Variants in POLR3A observed in about 807,000 individuals in gnomAD.
POLR3A encodes the protein RNA polymerase III subunit A.
A neutral mutation model predicts 152.8 loss-of-function variants in POLR3A; 112 were observed. That is an observed-to-expected ratio of 0.73 (90% confidence interval 0.63 to 0.86). The LOEUF (loss-of-function observed/expected upper bound fraction) is 0.86, where lower values mean the gene tolerates loss of function less well. POLR3A is among the 40% of genes least tolerant of loss of function. The pLI is 0.00. For missense variants in POLR3A, 1,385 were observed against 1,743.1 expected (o/e 0.79, Z 3.66); for synonymous variants, 615 against 652.1 (o/e 0.94, Z 0.87).
At chr10:78,011,273 C>G (rs1016010086) in intron 11 of POLR3A, among the ~76,000 whole-genome samples, 3 of 152,080 alleles carry the variant, frequency 2.0e-5, no homozygotes, top group African/African-American at 7.2e-5. Flanking sequence ...TGTTAAATGT[C>G]CCTTGGTTAA....
intron 19 of POLR3A, among the ~76,000 whole-genome samples, chr10:77,995,357 C>T (rs1395296911): frequency 6.6e-6 from 1 of 152,168 alleles, no homozygotes; most frequent in Non-Finnish European, 1.5e-5. Context: ...TTAAAAGACA[C>T]AGACTGGCAA....
Position 78,004,927 on chromosome 10 carries a change from G to A in POLR3A, c.2075-39C>T, listed in dbSNP as rs540838877. On this transcript the variant is annotated intron_variant, in intron 15 of 30. Transcript: ENST00000372371. ...AGAGCAGGAAGAAAGGGCCATAAATGAGACTCAGCAAACCTACTAAATACA... is the reference window on the plus strand; with the variant it reads ...AGAGCAGGAAGAAAGGGCCATAAATAAGACTCAGCAAACCTACTAAATACA... The A allele has an allele frequency of 2.5e-4, 392 of 1,557,206 alleles. 6 individuals carry two copies. In the South Asian group the frequency reaches 2.8e-3, roughly 11 times the overall value.
intron 1 of POLR3A, among the ~76,000 whole-genome samples, chr10:78,027,182 C>T (rs1847643270): frequency 6.6e-6 from 1 of 152,132 alleles, no homozygotes; most frequent in South Asian, 2.1e-4. Context: ...GGAAGAGCAT[C>T]TGAAGTGGAG....
rs779006717 is a variant in POLR3A, at chr10:78,021,621, C to T, written c.1110G>A (p.Ser370=). Reference sequence around the variant, plus strand: ...CATCAATCCGGAGGTTGGGGTCGGGCGAGATGACTGTTCTGCCAGAAAAAT... The same window carrying T: ...CATCAATCCGGAGGTTGGGGTCGGGTGAGATGACTGTTCTGCCAGAAAAAT... ...RVDFSGRTVI[S]PDPNLRIDEV... The change falls in exon 8 of 31, where the codon TCG becomes TCA. Residue 370 remains serine (S), a synonymous_variant. Coordinates refer to ENST00000372371, the MANE Select transcript of POLR3A (RefSeq NM_007055.4). 4.2e-5 allele frequency: 67 copies of T among 1,613,984 alleles called. No homozygotes were observed. Among genetic ancestry groups the T allele is most frequent in the Non-Finnish European group, 4.9e-5 (58 of 1,180,024 alleles).
At chr10:78,023,068 G>C (rs1248831777) in intron 5 of POLR3A, among the ~76,000 whole-genome samples, 1 of 151,964 alleles carries the variant, frequency 6.6e-6, no homozygotes, top group African/African-American at 2.4e-5. Context: ...TGAGGCAGGA[G>C]AATCACTTGA....
In POLR3A at chr10:78,026,132, G is replaced by A. The variant is rs761784469; in HGVS notation, c.142C>T (p.His48Tyr). ...AGCACCCCATATAGCAAGGGGGCATGTTGGTTGTCCTGGCTGTACAGGTTC... is the reference window on the plus strand; with the variant it reads ...AGCACCCCATATAGCAAGGGGGCATATTGGTTGTCCTGGCTGTACAGGTTC... ...SKNLYSQDNQ[H>Y]APLLYGVLDH... is the part of the protein sequence containing the mutation. The change falls in exon 2 of 31, where the codon CAT (histidine) becomes TAT (tyrosine). Residue 48 changes from histidine to tyrosine, a missense_variant. Physicochemically the swap from His to Tyr is moderately conservative, Grantham distance 83 (BLOSUM62 2). Around this residue, in one of 7 missense-constraint regions of POLR3A, gnomAD observed 493 missense variants for 647.5 expected, o/e 0.76. Coordinates refer to ENST00000372371, the MANE Select transcript of POLR3A (RefSeq NM_007055.4). The A allele has an allele frequency of 1.9e-6, 3 of 1,614,132 alleles. No individual in the cohort carries two copies. Among genetic ancestry groups the A allele is most frequent in the African/African-American group, 2.7e-5 (2 of 74,940 alleles).
chr10:77,980,526 TAA>T (rs1847131188), intron 29 of POLR3A, among the ~76,000 whole-genome samples: 1 of 151,584 alleles, frequency 6.6e-6, no homozygotes, highest in Non-Finnish European at 1.5e-5. Context: ...ATTCAGAGAC[TAA>T]CTTTAAAAAA....
At chr10:77,980,421 CCT>C (rs1184139433) in intron 29 of POLR3A, 148 bp from the exon 30 acceptor site, 2 of 727,138 alleles carry the variant, frequency 2.8e-6, no homozygotes, top group Non-Finnish European at 4.9e-6. Flanking sequence ...ATGGGTCCGC[CCT>C]CTGTGTCCCA....
chr10:78,022,633 T>G (rs756130404), intron 5 of POLR3A, among the ~76,000 whole-genome samples: 8 of 152,232 alleles, frequency 5.3e-5, no homozygotes, highest in African/African-American at 1.9e-4. Flanking sequence ...AACACAAAGA[T>G]TTAGCTACAA....
chr10:77,998,180 G>T (rs1251609832), intron 19 of POLR3A, among the ~76,000 whole-genome samples: 3 of 152,166 alleles, frequency 2.0e-5, no homozygotes, highest in African/African-American at 7.2e-5. Flanking sequence ...TTAAATGTTA[G>T]ACCTAAAACC....
chr10:77,998,914 A>G (rs1589309118), intron 19 of POLR3A, among the ~76,000 whole-genome samples: 1 of 152,252 alleles, frequency 6.6e-6, no homozygotes, highest in Non-Finnish European at 1.5e-5. Flanking sequence ...GTGTCCAACA[A>G]TGATAGACTG....
intron 15 of POLR3A, 132 bp from the exon 16 acceptor site, chr10:78,005,020 AGT>A (rs1847397623): frequency 1.3e-6 from 1 of 742,366 alleles, no homozygotes; most frequent in South Asian, 1.5e-5. Context: ...AGTATAAAAA[AGT>A]GTATATCTTC....
chr10:78,002,279 G>A lies in POLR3A; in HGVS notation c.2277C>T (p.Ile759=). ...EALILKELSV[I]RDHAGSACLR... ...GGCAGGCACTGCCAGCGTGGTCACG[G>A]ATCACAGACAGCTCCTTCAGGATCA... Residue 759 remains isoleucine (I), a synonymous_variant, in exon 17 of 31, where the codon ATC becomes ATT. Coordinates refer to ENST00000372371, the MANE Select transcript of POLR3A (RefSeq NM_007055.4). 1 of 1,604,260 alleles carries A rather than the reference G, an allele frequency of 6.2e-7. No individual in the cohort carries two copies. The highest frequency in any genetic ancestry group is 2.2e-5 in the East Asian group (1 of 44,610).
chr10:77,999,962 C>T lies in POLR3A; in HGVS notation c.2616+19G>A. On this transcript the variant is annotated intron_variant, in intron 19 of 30. Transcript: ENST00000372371. ...TCTGTCCTGCTCTGTTGCTAATGGC[C>T]TACATTTCTTCAGGTTACCTGCATG... is the stretch of plus-strand genomic sequence containing the variant. 1 of 1,613,446 alleles carries T rather than the reference C, an allele frequency of 6.2e-7. No homozygotes were observed. Among genetic ancestry groups the T allele is most frequent in the Middle Eastern group, 1.6e-4 (1 of 6,062 alleles).
At chr10:78,027,714 G>T (rs894833705) in intron 1 of POLR3A, among the ~76,000 whole-genome samples, 1 of 151,640 alleles carries the variant, frequency 6.6e-6, no homozygotes, top group South Asian at 2.1e-4. Context: ...ATGCGCCACC[G>T]CACCCAGCTA....
At chr10:77,994,521 A>T (rs1421753497) in intron 19 of POLR3A, among the ~76,000 whole-genome samples, 1 of 151,900 alleles carries the variant, frequency 6.6e-6, no homozygotes, top group East Asian at 1.9e-4. Context: ...AAAGCAGAAG[A>T]CTCAGTAGCC....
In POLR3A at chr10:78,019,737, A is replaced by G. The variant is rs1847559155; in HGVS notation, c.1186-472T>C. The G allele has an allele frequency of 1.5e-5, 3 of 193,954 alleles. No homozygotes were observed. In the South Asian group the frequency reaches 2.9e-4, roughly 19 times the overall value. 12.0% of individuals were successfully genotyped at this position (193,954 alleles called of 1,614,324 possible). A position where few individuals can be genotyped will look rare whatever the true frequency, so the allele number is the denominator to read the frequency against. On this transcript the variant is annotated intron_variant, in intron 8 of 30. Coordinates refer to ENST00000372371, the MANE Select transcript of POLR3A (RefSeq NM_007055.4). ...TTTTGGAGAAGTTAACTCTTGGATC[A>G]TTAGTAACTCAACTGAGGACACACA...
intron 28 of POLR3A, 31 bp from the exon 29 acceptor site, chr10:77,981,590 C>T: frequency 6.2e-7 from 1 of 1,613,316 alleles, no homozygotes; most frequent in South Asian, 1.1e-5. Context: ...GCAGAAGCAG[C>T]CCCTTCCGGG....
At chr10:78,019,567 T>C (rs1847557917) in intron 8 of POLR3A, 1 of 427,984 alleles carries the variant, frequency 2.3e-6, no homozygotes, top group Non-Finnish European at 4.3e-6. Flanking sequence ...GAACCTTCTG[T>C]GATCCTAGAA....
Sources: allele counts gnomAD v4.1 joint callset (sites outside exome capture counted in the v4.1 genomes callset), GRCh38; gene constraint gnomAD v4.1.1; regional missense constraint gnomAD v4.1.1; transcripts MANE v1.5; gene names NCBI Gene and HGNC (gene_info 2026-07-23, HGNC 2026-07-21).